The following GALNT13 variants were observed in gnomAD, a reference collection of about 807,000 sequenced individuals.
GALNT13 encodes polypeptide N-acetylgalactosaminyltransferase 13.
A neutral mutation model predicts 64.2 loss-of-function variants in GALNT13; 28 were observed. The observed-to-expected ratio is 0.44, with a 90% CI of 0.32 to 0.60. GALNT13 has a LOEUF of 0.60. Ranked by LOEUF, GALNT13 falls within the 20% of genes least tolerant of loss-of-function variation. GALNT13 has a pLI of 0.05. For missense variants in GALNT13, 577 were observed against 669.8 expected, an observed-to-expected ratio of 0.86 and a Z score of 1.53; for synonymous variants, 214 against 224.6, an observed-to-expected ratio of 0.95 and a Z score of 0.42.
the GALNT13 span, among the ~76,000 whole-genome samples, chr2:153,401,600 C>CTGGTAT: frequency 1.3e-5 from 2 of 151,168 alleles, no homozygotes; most frequent in African/African-American, 2.4e-5. Flanking sequence ...CTTTATGAAT[C>CTGGTAT]TGGGTGCCCC....
intron 3 of GALNT13, among the ~76,000 whole-genome samples, chr2:154,077,551 G>T (rs914508074): frequency 6.6e-5 from 10 of 151,478 alleles, no homozygotes; most frequent in Non-Finnish European, 3.0e-5. Context: ...AATTGGCAAA[G>T]ATTTTAAAAT....
the GALNT13 span, among the ~76,000 whole-genome samples, chr2:153,483,669 G>C: frequency 6.6e-6 from 1 of 152,044 alleles, no homozygotes; most frequent in East Asian, 1.9e-4. Flanking sequence ...ACCTACCTTG[G>C]CCTCCCAAAG....
chr2:153,126,247 G>A, the GALNT13 span, among the ~76,000 whole-genome samples: 1 of 144,256 alleles, frequency 6.9e-6, no homozygotes, highest in East Asian at 2.0e-4. Flanking sequence ...AATTGTATTT[G>A]TACTATTTTT....
At chr2:153,347,967 G>A in the GALNT13 span, among the ~76,000 whole-genome samples, 4 of 152,108 alleles carry the variant, frequency 2.6e-5, no homozygotes, top group African/African-American at 4.8e-5. Context: ...TTCCTGCCTA[G>A]CTTGTTAATT....
chr2:153,312,945 G>A, the GALNT13 span, among the ~76,000 whole-genome samples: 3 of 152,158 alleles, frequency 2.0e-5, no homozygotes, highest in African/African-American at 4.8e-5. Context: ...ATGAGAACTT[G>A]ATATTGGGCA....
Position 153,880,123 on chromosome 2 carries a change from A to G in GALNT13, c.-177+7820A>G, listed in dbSNP as rs1413625355. ...AATTTATTTTCCTGTAATGCTCCTC[A>G]TAAGATCTTTAAGTTACATTAGGAA... On this transcript the variant is annotated intron_variant, in intron 1 of 12. Transcript: ENST00000392825. 4.6e-5 allele frequency among the ~76,000 whole-genome samples: 7 copies of G among 152,290 alleles called. No individual in the cohort carries two copies. In the East Asian group the frequency reaches 5.8e-4, roughly 13 times the overall value.
At chr2:154,381,843 C>A (rs1193485241) in intron 9 of GALNT13, among the ~76,000 whole-genome samples, 1 of 152,084 alleles carries the variant, frequency 6.6e-6, no homozygotes, top group Non-Finnish European at 1.5e-5. Flanking sequence ...TCCCCAGAAT[C>A]TTTTGGCAGC....
the GALNT13 span, among the ~76,000 whole-genome samples, chr2:153,343,676 G>C: frequency 1.3e-5 from 2 of 151,786 alleles, no homozygotes; most frequent in Non-Finnish European, 2.9e-5. Context: ...ATTTCCTCTG[G>C]GGAGCCTTCC....
chr2:153,565,580 T>G, the GALNT13 span, among the ~76,000 whole-genome samples: 1 of 152,218 alleles, frequency 6.6e-6, no homozygotes, highest in Non-Finnish European at 1.5e-5. Context: ...ACTATGACTA[T>G]AGGCAAGACA....
chr2:153,722,326 A>T, the GALNT13 span, among the ~76,000 whole-genome samples: 1 of 142,608 alleles, frequency 7.0e-6, no homozygotes, highest in African/African-American at 2.8e-5. Flanking sequence ...AGGGAAATTT[A>T]TAGCACTAAA....
chr2:153,260,887 A>C, the GALNT13 span, among the ~76,000 whole-genome samples: 1 of 151,658 alleles, frequency 6.6e-6, no homozygotes, highest in Non-Finnish European at 1.5e-5. Flanking sequence ...ATTCTTTTTT[A>C]TTCTTTTTTC....
At chr2:154,068,726 G>A (rs530590893) in intron 3 of GALNT13, among the ~76,000 whole-genome samples, 2 of 152,150 alleles carry the variant, frequency 1.3e-5, no homozygotes, top group Non-Finnish European at 2.9e-5. Context: ...CAGCTGGGAA[G>A]GGTAGTGGGG....
the GALNT13 span, among the ~76,000 whole-genome samples, chr2:153,149,510 C>A: frequency 6.6e-6 from 1 of 151,728 alleles, no homozygotes; most frequent in Admixed American, 6.6e-5. Flanking sequence ...CTGGTTCTTA[C>A]TTCTCCTTCT....
intron 9 of GALNT13, among the ~76,000 whole-genome samples, chr2:154,366,442 A>G (rs1233263266): frequency 6.6e-6 from 1 of 152,232 alleles, no homozygotes; most frequent in Non-Finnish European, 1.5e-5. Context: ...AGCCTCAGAC[A>G]TAAGTCATAC....
the GALNT13 span, among the ~76,000 whole-genome samples, chr2:153,492,900 A>G: frequency 6.6e-6 from 1 of 150,492 alleles, no homozygotes; most frequent in African/African-American, 2.4e-5. Flanking sequence ...ATCTAGGAAA[A>G]CCTCAAATAC....
chr2:153,518,211 C>T, the GALNT13 span, among the ~76,000 whole-genome samples: 1 of 152,094 alleles, frequency 6.6e-6, no homozygotes, highest in African/African-American at 2.4e-5. Flanking sequence ...CTGACCAATC[C>T]AAATATGTTC....
At chr2:153,840,815 T>C in the GALNT13 span, among the ~76,000 whole-genome samples, 1 of 152,142 alleles carries the variant, frequency 6.6e-6, no homozygotes, top group Admixed American at 6.5e-5. Flanking sequence ...ATGTTGCTCA[T>C]TGGACAAACC....
At chr2:154,018,419 G>A (rs1173717396) in intron 3 of GALNT13, among the ~76,000 whole-genome samples, 1 of 152,138 alleles carries the variant, frequency 6.6e-6, no homozygotes, top group African/African-American at 2.4e-5. Context: ...TTGGAATTGG[G>A]TCTCATAGAT....
At chr2:153,787,526 T>A in the GALNT13 span, among the ~76,000 whole-genome samples, 3 of 152,190 alleles carry the variant, frequency 2.0e-5, no homozygotes, top group Non-Finnish European at 4.4e-5. Flanking sequence ...CAGCAACTAA[T>A]CGGCCAGAGT....
Sources: allele counts gnomAD v4.1 joint callset (sites outside exome capture counted in the v4.1 genomes callset), GRCh38; gene constraint gnomAD v4.1.1; transcripts MANE v1.5; gene names NCBI Gene and HGNC (gene_info 2026-07-23, HGNC 2026-07-21).